The following DHRSX variants were observed in gnomAD, a reference collection of about 807,000 sequenced individuals.
DHRSX encodes dehydrogenase/reductase X-linked.
A neutral mutation model predicts 34.0 loss-of-function variants in DHRSX; 31 were observed. That is an observed-to-expected ratio of 0.91 (90% CI 0.69 to 1.23). The LOEUF (loss-of-function observed/expected upper bound fraction) is 1.23, where lower values mean the gene tolerates loss of function less well. DHRSX is among the 50% of genes most tolerant of loss of function. The pLI, the probability that DHRSX is intolerant of heterozygous loss-of-function variation, is 0.00. For synonymous variants in DHRSX, 201 were observed against 183.8 expected (o/e 1.09, Z -0.76); for missense variants, 414 against 428.1 (o/e 0.97, Z 0.29).
At position 2,349,365 on chromosome X, in the gene DHRSX, C is replaced by T. The variant is rs182829492; in HGVS notation, c.287-57762G>A. 2.0e-5 allele frequency among the ~76,000 whole-genome samples: 3 copies of T among 152,158 alleles called. No homozygotes were observed. The East Asian group carries it at 5.8e-4, about 29-fold the overall frequency. ...AAAAAAAAAGAAAATGCGGTACACGCACACAATGGGATACTATGCAGCCTT... is the reference window on the plus strand; with the variant it reads ...AAAAAAAAAGAAAATGCGGTACACGTACACAATGGGATACTATGCAGCCTT... On this transcript the variant is annotated intron_variant, in intron 3 of 6. Transcript: ENST00000334651.
chrX:2,242,973 T>G, intron 6 of DHRSX, 50 bp downstream of exon 6: 1 of 1,577,786 alleles, frequency 6.3e-7, no homozygotes, highest in East Asian at 2.2e-5. Flanking sequence ...CCCCCTTTCC[T>G]GTAGCATCTT....
chrX:2,497,135 C>G (rs1333002722), intron 1 of DHRSX, among the ~76,000 whole-genome samples: 1 of 152,104 alleles, frequency 6.6e-6, no homozygotes, highest in Non-Finnish European at 1.5e-5. Context: ...GGGGCTCACC[C>G]CTGTAATCCC....
chrX:2,391,156 T>C (rs2043331175), intron 3 of DHRSX, among the ~76,000 whole-genome samples: 2 of 152,206 alleles, frequency 1.3e-5, no homozygotes, highest in East Asian at 1.9e-4. Flanking sequence ...TGTTTCCAAT[T>C]CTTTGAGGTA....
intron 3 of DHRSX, among the ~76,000 whole-genome samples, chrX:2,391,901 T>A (rs1282113398): frequency 6.6e-6 from 1 of 151,742 alleles, no homozygotes; most frequent in Admixed American, 6.6e-5. Context: ...CACTCCAGCC[T>A]GGGTGACAGA....
At chrX:2,292,223 C>T (rs1450165974) in intron 3 of DHRSX, among the ~76,000 whole-genome samples, 2 of 152,208 alleles carry the variant, frequency 1.3e-5, no homozygotes, top group South Asian at 2.1e-4. Context: ...AGAACCTGGG[C>T]ATGGCCTCTC....
At position 2,243,227 on chromosome X, in the gene DHRSX, G is replaced by A. The variant is rs758042257; in HGVS notation, c.600C>T (p.Ala200=). 2 of 1,613,188 alleles carry A rather than the reference G, an allele frequency of 1.2e-6. No individual in the cohort carries two copies. Among genetic ancestry groups the A allele is most frequent in the East Asian group, 4.5e-5 (2 of 44,854 alleles). ...ELNMDDLQSS[A]CYSPHAAYAQ... ...CGTAGGCTGCGTGGGGTGAGTAGCA[G>A]GCACTGTGGGGCAAGCAGGAGAAGG... Residue 200 remains alanine (A), a synonymous_variant, in exon 6 of 7, where the codon GCC becomes GCT. Coordinates refer to ENST00000334651, the MANE Select transcript of DHRSX (RefSeq NM_145177.3).
At chrX:2,298,454 A>G (rs1199041023) in intron 3 of DHRSX, among the ~76,000 whole-genome samples, 1 of 151,404 alleles carries the variant, frequency 6.6e-6, no homozygotes, top group African/African-American at 2.4e-5. Flanking sequence ...TGTAGTGAAC[A>G]ACACCAGAAA....
intron 3 of DHRSX, among the ~76,000 whole-genome samples, chrX:2,345,525 T>C (rs1050812365): frequency 1.3e-4 from 20 of 151,994 alleles, no homozygotes; most frequent in African/African-American, 3.9e-4. Context: ...TGTGTGCCTA[T>C]AATCACAACT....
intron 1 of DHRSX, among the ~76,000 whole-genome samples, chrX:2,443,761 C>T (rs1350235848): frequency 6.6e-6 from 1 of 152,166 alleles, no homozygotes; most frequent in African/African-American, 2.4e-5. Flanking sequence ...AATCCCAGCA[C>T]TTTGGGAGGC....
intron 3 of DHRSX, among the ~76,000 whole-genome samples, chrX:2,399,725 C>CAAAAAAAAAAAAA (rs779558142): frequency 2.0e-4 from 7 of 35,224 alleles, no homozygotes; most frequent in South Asian, 1.1e-3. Context: ...AAACAAAAAG[C>CAAAAAAAAAAAAA]AAAAAAAAAA....
At chrX:2,349,396 GA>G (rs2042759019) in intron 3 of DHRSX, among the ~76,000 whole-genome samples, 1 of 152,114 alleles carries the variant, frequency 6.6e-6, no homozygotes, top group South Asian at 2.1e-4. Flanking sequence ...GCCTTCAAAA[GA>G]AGGTAGTTGG....
chrX:2,268,583 TCA>T (rs2041506631), intron 4 of DHRSX, among the ~76,000 whole-genome samples: 1 of 152,264 alleles, frequency 6.6e-6, no homozygotes, highest in Non-Finnish European at 1.5e-5. Flanking sequence ...ACATGCAGAT[TCA>T]TTTTCAAATG....
At chrX:2,294,300 T>C (rs1308950339) in intron 3 of DHRSX, among the ~76,000 whole-genome samples, 1 of 151,788 alleles carries the variant, frequency 6.6e-6, no homozygotes, top group Non-Finnish European at 1.5e-5. Context: ...TCCCAGCACT[T>C]TAGGAGGCGA....
At chrX:2,303,707 G>C (rs1366885929) in intron 3 of DHRSX, among the ~76,000 whole-genome samples, 2 of 151,972 alleles carry the variant, frequency 1.3e-5, no homozygotes, top group Non-Finnish European at 2.9e-5. Context: ...TTGATGGATG[G>C]GTGGAAGGAT....
chrX:2,344,872 C>CATATATATATATATAT (rs775259345), intron 3 of DHRSX, among the ~76,000 whole-genome samples: 2 of 98,368 alleles, frequency 2.0e-5, no homozygotes, highest in Admixed American at 1.2e-4. Context: ...TAAAAAGAAG[C>CATATATATATATATAT]ATATATATAT....
chrX:2,474,472 C>T (rs950157230), intron 1 of DHRSX, among the ~76,000 whole-genome samples: 12 of 145,184 alleles, frequency 8.3e-5, no homozygotes, highest in African/African-American at 2.6e-4. Flanking sequence ...AGCCAAAAGA[C>T]GGCACTGAAG....
intron 3 of DHRSX, among the ~76,000 whole-genome samples, chrX:2,390,591 T>C (rs1274475430): frequency 6.6e-6 from 1 of 152,232 alleles, no homozygotes; most frequent in African/African-American, 2.4e-5. Flanking sequence ...AATATTTTCA[T>C]CTTGCCAAAT....
At chrX:2,434,727 C>G (rs777611622) in intron 1 of DHRSX, among the ~76,000 whole-genome samples, 2 of 152,344 alleles carry the variant, frequency 1.3e-5, no homozygotes, top group African/African-American at 4.8e-5. Flanking sequence ...AGCTATTCCA[C>G]TTCCAAGAAT....
intron 5 of DHRSX, among the ~76,000 whole-genome samples, chrX:2,262,597 C>A (rs73628265): frequency 0.12 from 18,582 of 152,244 alleles, 3,631 homozygotes; most frequent in African/African-American, 0.41. Context: ...TACACACAGG[C>A]ACGCACACAT....
Sources: allele counts gnomAD v4.1 joint callset (sites outside exome capture counted in the v4.1 genomes callset), GRCh38; gene constraint gnomAD v4.1.1; transcripts MANE v1.5; gene names NCBI Gene and HGNC (gene_info 2026-07-23, HGNC 2026-07-21).